ABTB2: variants seen among roughly 807,000 people sequenced by gnomAD.
The protein encoded by ABTB2 is ankyrin repeat and BTB domain containing 2, also known as ankyrin repeat and BTB/POZ domain-containing protein 2.
In ABTB2, 56 loss-of-function variants were observed where a neutral mutation model predicts 104.1. That is an observed-to-expected ratio of 0.54 (90% CI 0.43 to 0.67). ABTB2 has a LOEUF of 0.67. Ranked by LOEUF, ABTB2 falls within the 30% of genes least tolerant of loss-of-function variation. ABTB2 has a pLI of 0.00. For missense variants in ABTB2, 1,279 were observed against 1,407.7 expected, an observed-to-expected ratio of 0.91 and a Z score of 1.46; for synonymous variants, 606 against 608.2, an observed-to-expected ratio of 1.00 and a Z score of 0.05.
chr11:34,155,422 G>A (rs1203861082), intron 14 of ABTB2, among the ~76,000 whole-genome samples: 1 of 152,250 alleles, frequency 6.6e-6, no homozygotes, highest in Non-Finnish European at 1.5e-5. Flanking sequence ...CAGATGAGGT[G>A]GTCCAGGACC....
intron 10 of ABTB2, 134 bp downstream of exon 10, chr11:34,162,440 CTG>C: frequency 1.1e-6 from 1 of 950,188 alleles, no homozygotes. Context: ...TCCACCCAGT[CTG>C]TGCTCAGCTG....
chr11:34,306,601 G>C (rs1854775739), intron 1 of ABTB2, among the ~76,000 whole-genome samples: 1 of 151,968 alleles, frequency 6.6e-6, no homozygotes, highest in Non-Finnish European at 1.5e-5. Context: ...GTGTGTGCCT[G>C]TAGTCCCAGC....
At chr11:34,335,383 C>T (rs560138690) in intron 1 of ABTB2, 1 of 842,996 alleles carries the variant, frequency 1.2e-6, no homozygotes, top group East Asian at 2.4e-5. Flanking sequence ...ATTTCCTTAG[C>T]AACATTGATG....
chr11:34,295,987 T>C, intron 1 of ABTB2, among the ~76,000 whole-genome samples: 1 of 152,144 alleles, frequency 6.6e-6, no homozygotes. Context: ...GAATTCATAG[T>C]TGGGCATGGT....
chr11:34,176,318 T>C (rs1852960858), intron 3 of ABTB2, among the ~76,000 whole-genome samples: 1 of 151,650 alleles, frequency 6.6e-6, no homozygotes, highest in Admixed American at 6.6e-5. Context: ...AGAAATATCT[T>C]CCTGCTCTGA....
At chr11:34,223,233 C>A (rs1358737542) in intron 1 of ABTB2, among the ~76,000 whole-genome samples, 1 of 152,168 alleles carries the variant, frequency 6.6e-6, no homozygotes, top group Non-Finnish European at 1.5e-5. Flanking sequence ...TCAGCAGAAC[C>A]TGTTTCCTCA....
intron 1 of ABTB2, among the ~76,000 whole-genome samples, chr11:34,291,322 A>G (rs902457565): frequency 1.3e-5 from 2 of 152,172 alleles, no homozygotes; most frequent in African/African-American, 4.8e-5. Context: ...AGGGGTCTGT[A>G]AGCACATTCC....
chr11:34,228,388 T>A (rs1004463815), intron 1 of ABTB2, among the ~76,000 whole-genome samples: 2 of 145,578 alleles, frequency 1.4e-5, no homozygotes, highest in Non-Finnish European at 3.0e-5. Flanking sequence ...CTTTTTGAGA[T>A]AAGGTCTCAC....
Position 34,154,391 on chromosome 11 carries a change from C to T in ABTB2, c.2767-13G>A. On this transcript the variant is annotated splice_polypyrimidine_tract_variant and intron_variant, in intron 15 of 16. Coordinates refer to ENST00000435224, the MANE Select transcript of ABTB2 (RefSeq NM_145804.3). This position sits in a 1 kb window ranked among gnomAD's most constrained non-coding sequence, Gnocchi z 4.9. ...CAGCTGACAGCAGCTGGTAGGGAGGCAGAGCAGGTCTTGGGGACCCATGGC... is the reference window on the plus strand; with the variant it reads ...CAGCTGACAGCAGCTGGTAGGGAGGTAGAGCAGGTCTTGGGGACCCATGGC... 1 of 1,597,330 alleles carries T rather than the reference C, an allele frequency of 6.3e-7. No individual in the cohort carries two copies. Among genetic ancestry groups the T allele is most frequent in the Non-Finnish European group, 8.6e-7 (1 of 1,168,306 alleles).
intron 1 of ABTB2, among the ~76,000 whole-genome samples, chr11:34,293,377 G>A (rs151274307): frequency 1.4e-4 from 22 of 152,298 alleles, no homozygotes; most frequent in African/African-American, 5.3e-4. Flanking sequence ...TACTTGCGAA[G>A]TGACTCTCAG....
intron 1 of ABTB2, among the ~76,000 whole-genome samples, chr11:34,291,336 TGTGGAGGAGGGA>T: frequency 6.6e-6 from 1 of 152,270 alleles, no homozygotes; most frequent in Admixed American, 6.5e-5. Flanking sequence ...ACATTCCCAA[TGTGGAGGAGGGA>T]AAGCTGAAGA....
At chr11:34,317,520 C>T (rs1415048440) in intron 1 of ABTB2, among the ~76,000 whole-genome samples, 1 of 152,128 alleles carries the variant, frequency 6.6e-6, no homozygotes, top group East Asian at 1.9e-4. Flanking sequence ...CACCTATAAT[C>T]CCAGCAGTCT....
At chr11:34,326,015 T>TAA (rs869278215) in intron 1 of ABTB2, among the ~76,000 whole-genome samples, 108 of 142,892 alleles carry the variant, frequency 7.6e-4, no homozygotes, top group African/African-American at 2.7e-3. Context: ...TAAAATAAAA[T>TAA]AAAGAAAAAG....
intron 3 of ABTB2, among the ~76,000 whole-genome samples, chr11:34,180,833 A>G (rs1334780157): frequency 2.0e-5 from 3 of 152,172 alleles, no homozygotes; most frequent in South Asian, 2.1e-4. Flanking sequence ...AGGCCCCTCA[A>G]TGGAACTAGG....
chr11:34,250,299 G>A (rs942244812), intron 1 of ABTB2, among the ~76,000 whole-genome samples: 1 of 152,142 alleles, frequency 6.6e-6, no homozygotes, highest in Non-Finnish European at 1.5e-5. Flanking sequence ...TTCTTAAGGG[G>A]CCATAAGAGT....
At chr11:34,265,661 GAAAAAAAAAAA>G (rs1233763258) in intron 1 of ABTB2, among the ~76,000 whole-genome samples, 7 of 25,654 alleles carry the variant, frequency 2.7e-4, no homozygotes, top group Non-Finnish European at 5.4e-4. Context: ...TCTGTCTCAA[GAAAAAAAAAAA>G]AAAAAAAAAA....
At chr11:34,220,429 A>C (rs1350616354) in intron 1 of ABTB2, among the ~76,000 whole-genome samples, 1 of 152,242 alleles carries the variant, frequency 6.6e-6, no homozygotes, top group African/African-American at 2.4e-5. Flanking sequence ...TCTGGGAAAT[A>C]CTACTTCTCC....
intron 1 of ABTB2, among the ~76,000 whole-genome samples, chr11:34,235,485 C>T (rs1853829524): frequency 6.6e-6 from 1 of 152,192 alleles, no homozygotes; most frequent in African/African-American, 2.4e-5. Flanking sequence ...TCTCTGTTAT[C>T]CTCAGAGATG....
At chr11:34,256,893 G>T (rs1854130219) in intron 1 of ABTB2, among the ~76,000 whole-genome samples, 1 of 152,188 alleles carries the variant, frequency 6.6e-6, no homozygotes, top group South Asian at 2.1e-4. Flanking sequence ...TGGCTGTGCA[G>T]CTGCAAGGAT....
Sources: gnomAD v4.1 joint callset for allele counts (sites outside exome capture counted in the v4.1 genomes callset) on GRCh38, gnomAD v4.1.1 for gene constraint, Gnocchi (gnomAD v3.1) non-coding constraint, MANE v1.5 for transcripts, NCBI Gene and HGNC (gene_info 2026-07-23, HGNC 2026-07-21) for gene names.